The following NUDT12 variants were observed in gnomAD, a reference collection of about 807,000 sequenced individuals.
NUDT12 encodes nudix hydrolase 12.
A neutral mutation model predicts 45.7 loss-of-function variants in NUDT12; 42 were observed. That is an observed-to-expected ratio of 0.92 (90% CI 0.72 to 1.19). The LOEUF is 1.19. Among genes scored for constraint, NUDT12 ranks in the 50% most tolerant of loss-of-function variants. The pLI is 0.00. For synonymous variants in NUDT12, 206 were observed against 179.7 expected (o/e 1.15, Z -1.17); for missense variants, 590 against 533.1 (o/e 1.11, Z -1.05).
intron 6 of NUDT12, among the ~76,000 whole-genome samples, chr5:103,551,993 C>A (rs536806009): frequency 6.6e-6 from 1 of 152,214 alleles, no homozygotes; most frequent in African/African-American, 2.4e-5. Context: ...CGAAATGGTA[C>A]AGAATCATCT....
At chr5:103,554,300 T>TACA (rs1384545658) in intron 5 of NUDT12, among the ~76,000 whole-genome samples, 5 of 151,870 alleles carry the variant, frequency 3.3e-5, no homozygotes, top group Admixed American at 2.6e-4. Context: ...ATATACATAC[T>TACA]TACATACGGT....
intron 3 of NUDT12, among the ~76,000 whole-genome samples, chr5:103,558,591 C>T (rs1748908153): frequency 6.6e-6 from 1 of 152,088 alleles, no homozygotes; most frequent in South Asian, 2.1e-4. Context: ...AAGTCTTTGC[C>T]ATCATGTTCT....
In NUDT12 at chr5:103,552,117, G is replaced by A. The variant is rs1300712902; in HGVS notation, c.1278+100C>T. 6 of 855,208 alleles carry A rather than the reference G, an allele frequency of 7.0e-6. No homozygotes were observed. In the African/African-American group the frequency reaches 1.0e-4, roughly 14 times the overall value. 53.0% of individuals were successfully genotyped at this position (855,208 alleles called of 1,614,324 possible). A position where few individuals can be genotyped will look rare whatever the true frequency, so the allele number is the denominator to read the frequency against. On this transcript the variant is annotated intron_variant, in intron 6 of 6. Transcript: ENST00000230792. ...TCCATGCATAATGAGAGGGCCAAAG[G>A]CATCATTCAACTTGCTGAAAATATG...
intron 1 of NUDT12, 32 bp downstream of exon 1, chr5:103,562,671 G>C (rs1339548740): frequency 6.6e-6 from 1 of 152,470 alleles, no homozygotes; most frequent in Non-Finnish European, 1.5e-5. Flanking sequence ...AGGAGGCAAT[G>C]AGACGACTAA....
At position 103,559,212 on chromosome 5, in the gene NUDT12, C is replaced by A. The variant is rs1456343028; in HGVS notation, c.463G>T (p.Asp155Tyr). ...HPATVFILFS[D>Y]LNPLVTLGGN... ...CCTAGAGTAACCAAGGGATTTAAATCTGAGAAAAGAATAAAAACTGTGGCT... is the reference window on the plus strand; with the variant it reads ...CCTAGAGTAACCAAGGGATTTAAATATGAGAAAAGAATAAAAACTGTGGCT... The change falls in exon 3 of 7, where the codon GAT becomes TAT. Residue 155 changes from aspartate to tyrosine, a missense_variant. Transcript: ENST00000230792. 2 of 1,558,066 alleles carry A rather than the reference C, an allele frequency of 1.3e-6. No individual in the cohort carries two copies. Among genetic ancestry groups the A allele is most frequent in the Non-Finnish European group, 1.7e-6 (2 of 1,156,816 alleles).
In NUDT12 at chr5:103,554,770, A is replaced by C; in HGVS notation, c.1048T>G (p.Phe350Val). The change falls in exon 5 of 7, where the codon TTT becomes GTT. Residue 350 changes from phenylalanine (F) to valine (V), a missense_variant. By Grantham distance (50) the Phe-to-Val change is conservative (BLOSUM62 -1). Transcript: ENST00000230792. Reference protein sequence around the residue: ...GRQKRFPPGMFTCLAGFIEPG... With the variant: ...GRQKRFPPGMVTCLAGFIEPG... ...TCAATAAATCCAGCAAGGCAAGTAA[A>C]CATGCCTGGGGGAAATCTTTTCTGC... 6.5e-7 allele frequency: 1 copy of C among 1,530,296 alleles called. No homozygotes were observed. The highest frequency in any genetic ancestry group is 8.8e-7 in the Non-Finnish European group (1 of 1,130,994). 94.8% of individuals were successfully genotyped at this position (1,530,296 alleles called of 1,614,324 possible). A position where few individuals can be genotyped will look rare whatever the true frequency, so the allele number is the denominator to read the frequency against.
intron 4 of NUDT12, among the ~76,000 whole-genome samples, chr5:103,555,549 A>G (rs1748786468): frequency 6.6e-6 from 1 of 152,068 alleles, no homozygotes; most frequent in Non-Finnish European, 1.5e-5. Flanking sequence ...GGCAGCAATT[A>G]GAAGAGAGAA....
intron 2 of NUDT12, 55 bp from the exon 3 acceptor site, chr5:103,559,523 T>G: frequency 1.2e-6 from 1 of 856,396 alleles, no homozygotes; most frequent in South Asian, 3.2e-5. Flanking sequence ...GTAAACACTT[T>G]CTCCGTATTT....
intron 3 of NUDT12, among the ~76,000 whole-genome samples, 167 bp downstream of exon 3, chr5:103,558,712 A>G (rs1403713574): frequency 6.6e-6 from 1 of 152,194 alleles, no homozygotes; most frequent in Non-Finnish European, 1.5e-5. Flanking sequence ...CTAACTGCCC[A>G]GGAGAGTAGT....
intron 3 of NUDT12, among the ~76,000 whole-genome samples, chr5:103,556,779 A>T (rs944228099): frequency 6.6e-6 from 1 of 152,242 alleles, no homozygotes; most frequent in Middle Eastern, 3.4e-3. Flanking sequence ...AGTTGAGGCA[A>T]TAAGACTAGA....
chr5:103,553,845 C>A (rs767900542), intron 5 of NUDT12, among the ~76,000 whole-genome samples: 2 of 152,044 alleles, frequency 1.3e-5, no homozygotes, highest in Admixed American at 1.3e-4. Flanking sequence ...CAGAAACCAA[C>A]ATGCCCAGGC....
chr5:103,553,362 T>C (rs1748716417), intron 5 of NUDT12, among the ~76,000 whole-genome samples: 1 of 151,852 alleles, frequency 6.6e-6, no homozygotes, highest in African/African-American at 2.4e-5. Context: ...AAAAGAAAAC[T>C]GAATGCCTAA....
At chr5:103,557,796 G>A (rs956520495) in intron 3 of NUDT12, among the ~76,000 whole-genome samples, 1 of 151,680 alleles carries the variant, frequency 6.6e-6, no homozygotes, top group Non-Finnish European at 1.5e-5. Context: ...GGGGGATTCA[G>A]GTCTTATTCT....
rs555537656 is a variant in NUDT12, at chr5:103,548,901, T to C, written c.*1960A>G. 1 of 152,290 alleles carries C rather than the reference T, an allele frequency of 6.6e-6. No homozygotes were observed. Among genetic ancestry groups the C allele is most frequent in the Non-Finnish European group, 1.5e-5 (1 of 67,994 alleles). The allele number at this position is 152,290 out of a possible 1,614,324, so 9.4% of individuals were successfully genotyped here. On this transcript the variant is annotated 3_prime_UTR_variant, in exon 7 of 7. Coordinates refer to ENST00000230792, the MANE Select transcript of NUDT12 (RefSeq NM_031438.4). ...ATTATTACATTCATTTCCAGTAGAA[T>C]ACATTCACGGCACTATCACATCTAC...
intron 6 of NUDT12, 86 bp downstream of exon 6, chr5:103,552,131 G>A (rs1186572578): frequency 4.8e-6 from 5 of 1,049,130 alleles, no homozygotes; most frequent in Non-Finnish European, 7.3e-6. Flanking sequence ...CATTCAACTT[G>A]CTGAAAATAT....
chr5:103,558,013 C>G (rs750245712), intron 3 of NUDT12, among the ~76,000 whole-genome samples: 5 of 151,878 alleles, frequency 3.3e-5, no homozygotes, highest in African/African-American at 4.8e-5. Context: ...TAACCATCAT[C>G]CTATATTATT....
Position 103,554,845 on chromosome 5 carries a change from C to A in NUDT12, c.973G>T (p.Val325Leu). Residue 325 changes from valine (V) to leucine (L), a missense_variant, in exon 5 of 7, where the codon GTA (valine) becomes TTA (leucine). Physicochemically the swap from Val to Leu is conservative, Grantham distance 32 (BLOSUM62 1). Transcript: ENST00000230792. Reference protein sequence around the residue: ...NTSYPRVDPVVIMQVIHPDGT... With the variant: ...NTSYPRVDPVLIMQVIHPDGT... ...TCTGGATGAATAACTTGCATGATTA[C>A]TACTGGATCTGTTGAAAAAAAAAAT... 1 of 1,451,594 alleles carries A rather than the reference C, an allele frequency of 6.9e-7. No individual in the cohort carries two copies. Among genetic ancestry groups the A allele is most frequent in the Non-Finnish European group, 9.3e-7 (1 of 1,074,716 alleles). The allele number at this position is 1,451,594 out of a possible 1,614,324, so 89.9% of individuals were successfully genotyped here.
At chr5:103,551,791 A>C (rs1332755867) in intron 6 of NUDT12, among the ~76,000 whole-genome samples, 1 of 152,180 alleles carries the variant, frequency 6.6e-6, no homozygotes, top group Non-Finnish European at 1.5e-5. Flanking sequence ...CCTTAAGTAC[A>C]TTTTAAAATG....
At chr5:103,558,784 G>T in intron 3 of NUDT12, 95 bp downstream of exon 3, 2 of 786,768 alleles carry the variant, frequency 2.5e-6, no homozygotes, top group Non-Finnish European at 4.0e-6. Context: ...CTGCTTACTG[G>T]AAAAAGAGTG....
Sources: allele counts gnomAD v4.1 joint callset (sites outside exome capture counted in the v4.1 genomes callset), GRCh38; gene constraint gnomAD v4.1.1; transcripts MANE v1.5; gene names NCBI Gene and HGNC (gene_info 2026-07-23, HGNC 2026-07-21).